The following PTPRK variants were observed in gnomAD, a reference collection of about 807,000 sequenced individuals.
PTPRK encodes the protein receptor-type tyrosine-protein phosphatase kappa.
A neutral mutation model predicts 178.0 loss-of-function variants in PTPRK; 75 were observed. The observed-to-expected ratio is 0.42, with a 90% confidence interval of 0.35 to 0.51. The LOEUF is 0.51. PTPRK is among the 20% of genes least tolerant of loss of function. The pLI is 0.02. For synonymous variants in PTPRK, 637 were observed against 620.6 expected, an observed-to-expected ratio of 1.03 and a Z score of -0.39; for missense variants, 1,441 against 1,797.8, an observed-to-expected ratio of 0.80 and a Z score of 3.59.
intron 2 of PTPRK, among the ~76,000 whole-genome samples, chr6:128,326,274 A>C (rs1829550000): frequency 1.3e-5 from 2 of 152,146 alleles, no homozygotes; most frequent in Admixed American, 1.3e-4. Flanking sequence ...AAACCTGCAC[A>C]TTCTGCATAT....
intron 25 of PTPRK, among the ~76,000 whole-genome samples, chr6:127,977,762 T>C (rs889843287): frequency 6.6e-6 from 1 of 152,222 alleles, no homozygotes; most frequent in Non-Finnish European, 1.5e-5. Context: ...AGCGGGGAGA[T>C]AGCTCCTTGT....
At chr6:128,380,738 C>T (rs2128356065) in intron 2 of PTPRK, among the ~76,000 whole-genome samples, 1 of 152,228 alleles carries the variant, frequency 6.6e-6, no homozygotes, top group South Asian at 2.1e-4. Flanking sequence ...TTATCCTTCT[C>T]TCATTCTTCA....
chr6:128,296,218 G>A (rs1300686010), intron 3 of PTPRK, among the ~76,000 whole-genome samples: 2 of 151,862 alleles, frequency 1.3e-5, no homozygotes, highest in Non-Finnish European at 2.9e-5. Flanking sequence ...CCACCACAGG[G>A]CCTTTACCCT....
intron 3 of PTPRK, among the ~76,000 whole-genome samples, chr6:128,248,362 T>C (rs1245134564): frequency 6.6e-6 from 1 of 152,184 alleles, no homozygotes; most frequent in South Asian, 2.1e-4. Context: ...ACCTTAAACA[T>C]TGTAGTTCCA....
At chr6:128,151,341 G>C (rs1240196352) in intron 7 of PTPRK, among the ~76,000 whole-genome samples, 1 of 151,988 alleles carries the variant, frequency 6.6e-6, no homozygotes, top group Non-Finnish European at 1.5e-5. Context: ...ATTAAGTCAA[G>C]GGTAGGAGAG....
chr6:128,454,211 T>G (rs1489606881), intron 1 of PTPRK, among the ~76,000 whole-genome samples: 1 of 152,182 alleles, frequency 6.6e-6, no homozygotes, highest in Non-Finnish European at 1.5e-5. Context: ...ACTGGCACCT[T>G]GACCTTGGAT....
At chr6:128,216,346 C>A (rs145895657) in intron 6 of PTPRK, among the ~76,000 whole-genome samples, 2,466 of 151,960 alleles carry the variant, frequency 0.016, 32 homozygotes, top group African/African-American at 0.038. Context: ...ACCAGTCTGG[C>A]CAACATGGAG....
At chr6:128,364,427 T>G (rs898451185) in intron 2 of PTPRK, among the ~76,000 whole-genome samples, 1 of 152,228 alleles carries the variant, frequency 6.6e-6, no homozygotes, top group East Asian at 1.9e-4. Flanking sequence ...TACTGAATAC[T>G]TTTTACATAT....
At chr6:128,293,325 CTTG>C (rs1203578947) in intron 3 of PTPRK, among the ~76,000 whole-genome samples, 5 of 152,058 alleles carry the variant, frequency 3.3e-5, no homozygotes, top group African/African-American at 1.2e-4. Flanking sequence ...AAGATGGTGA[CTTG>C]TTGCTGCATC....
At chr6:128,050,149 A>C (rs1195321753) in intron 13 of PTPRK, among the ~76,000 whole-genome samples, 1 of 152,114 alleles carries the variant, frequency 6.6e-6, no homozygotes, top group Admixed American at 6.5e-5. Flanking sequence ...GAAAAAAAAA[A>C]ATAGATAGAG....
intron 13 of PTPRK, among the ~76,000 whole-genome samples, chr6:128,024,604 T>A (rs1042513784): frequency 6.6e-6 from 1 of 150,656 alleles, no homozygotes; most frequent in Non-Finnish European, 1.5e-5. Flanking sequence ...AGGTCAGGAG[T>A]TCAAGACCAG....
intron 1 of PTPRK, among the ~76,000 whole-genome samples, chr6:128,405,480 T>C (rs569750134): frequency 1.3e-5 from 2 of 152,202 alleles, no homozygotes; most frequent in Admixed American, 1.3e-4. Flanking sequence ...TTTCACTTAG[T>C]GTTAGATACA....
At chr6:128,505,251 G>C (rs1856155063) in intron 1 of PTPRK, among the ~76,000 whole-genome samples, 1 of 150,006 alleles carries the variant, frequency 6.7e-6, no homozygotes. Flanking sequence ...CTACAGGCCT[G>C]ACCAACAGGA....
rs139702631 is a variant in PTPRK at position 128,234,374 on chromosome 6, C to G, written c.693+5661G>C. Among the ~76,000 whole-genome samples the G allele has an allele frequency of 3.7e-3, 560 of 152,270 alleles. 2 individuals are homozygous for G. Among genetic ancestry groups the G allele is most frequent in the Non-Finnish European group, 5.1e-3 (348 of 68,026 alleles). On this transcript the variant is annotated intron_variant, in intron 5 of 29. Coordinates refer to ENST00000368226, the MANE Select transcript of PTPRK (RefSeq NM_002844.4). ...AGGTAAACATAATTAGTAAATTGGA[C>G]AGATCTTAATCTTTGACAAATGTCT... is the stretch of plus-strand genomic sequence containing the variant.
intron 7 of PTPRK, among the ~76,000 whole-genome samples, chr6:128,118,861 G>A (rs768488708): frequency 1.2e-4 from 19 of 152,188 alleles, no homozygotes; most frequent in Admixed American, 3.3e-4. Context: ...GGTTTATCTT[G>A]TAAAAAACTT....
intron 13 of PTPRK, among the ~76,000 whole-genome samples, chr6:128,023,974 T>A (rs1002183947): frequency 2.0e-5 from 3 of 152,078 alleles, no homozygotes; most frequent in African/African-American, 7.2e-5. Context: ...CAGGCCAATC[T>A]CTTATTTTAA....
intron 7 of PTPRK, among the ~76,000 whole-genome samples, chr6:128,166,163 A>G (rs1799364405): frequency 6.6e-6 from 1 of 151,684 alleles, no homozygotes. Context: ...GATATTCACA[A>G]GGATTGCCTG....
intron 1 of PTPRK, among the ~76,000 whole-genome samples, chr6:128,467,266 G>A (rs1849977426): frequency 1.3e-5 from 2 of 152,044 alleles, no homozygotes; most frequent in Admixed American, 1.3e-4. Context: ...TTATAAGCAG[G>A]AGCCATTGGA....
chr6:128,274,980 G>A (rs1820486304), intron 3 of PTPRK, among the ~76,000 whole-genome samples: 1 of 151,946 alleles, frequency 6.6e-6, no homozygotes, highest in Middle Eastern at 3.2e-3. Context: ...TATAGGATAA[G>A]CAAGTTATGC....
Sources: gnomAD v4.1 joint callset for allele counts (sites outside exome capture counted in the v4.1 genomes callset) on GRCh38, gnomAD v4.1.1 for gene constraint, MANE v1.5 for transcripts, NCBI Gene and HGNC (gene_info 2026-07-23, HGNC 2026-07-21) for gene names.